EIF3A: variants seen among roughly 807,000 people sequenced by gnomAD.
EIF3A encodes the protein eukaryotic translation initiation factor 3 subunit A.
EIF3A carries 21 observed loss-of-function variants against 186.6 expected under a neutral mutation model. That is an observed-to-expected ratio of 0.11 (90% confidence interval 0.08 to 0.16). EIF3A has a LOEUF of 0.16. Ranked by LOEUF, EIF3A falls within the 10% of genes least tolerant of loss-of-function variation. The pLI is 1.00. For missense variants in EIF3A, 1,306 were observed against 1,796.3 expected, an observed-to-expected ratio of 0.73 and a Z score of 4.93; for synonymous variants, 563 against 584.3, an observed-to-expected ratio of 0.96 and a Z score of 0.52.
rs562643660 is a variant in EIF3A, at chr10:119,063,417, T to G, written c.1122+1982A>C. ...TCTTAAATTGACTACTGCAGAAAAT[T>G]TAGGCCTTTTATCTAGCTTTTATCA... is the stretch of plus-strand genomic sequence containing the variant. On this transcript the variant is annotated intron_variant, in intron 7 of 21. Transcript: ENST00000369144. Among the ~76,000 whole-genome samples the G allele has an allele frequency of 3.9e-5, 6 of 152,296 alleles. No homozygotes were observed. The South Asian group carries it at 1.2e-3, about 32-fold the overall frequency.
At chr10:119,079,329 T>C (rs1179114853) in intron 1 of EIF3A, among the ~76,000 whole-genome samples, 1 of 152,220 alleles carries the variant, frequency 6.6e-6, no homozygotes, top group Non-Finnish European at 1.5e-5. Context: ...AGTGTTACTT[T>C]TACTTTAAAA....
At chr10:119,040,952 G>A (rs1012494271) in intron 19 of EIF3A, among the ~76,000 whole-genome samples, 3 of 150,408 alleles carry the variant, frequency 2.0e-5, no homozygotes, top group African/African-American at 4.9e-5. Flanking sequence ...CTTGCAGTGA[G>A]GGGAGATCGC....
At chr10:119,060,081 T>C (rs780711667) in intron 9 of EIF3A, 4 of 516,102 alleles carry the variant, frequency 7.8e-6, no homozygotes. Context: ...ATTATTTGTA[T>C]AGCACATAAG....
intron 1 of EIF3A, among the ~76,000 whole-genome samples, chr10:119,076,932 T>A (rs1388778566): frequency 3.9e-5 from 3 of 76,546 alleles, no homozygotes; most frequent in African/African-American, 9.9e-5. Context: ...GGAGAGACTC[T>A]GTCTCAAAAA....
At chr10:119,045,027 C>T (rs942970265) in intron 17 of EIF3A, among the ~76,000 whole-genome samples, 1 of 151,132 alleles carries the variant, frequency 6.6e-6, no homozygotes, top group African/African-American at 2.4e-5. Context: ...TAACTGCAGC[C>T]TCTGCCACCC....
Position 119,065,385 on chromosome 10 carries a change from A to C in EIF3A, c.1122+14T>G. On this transcript the variant is annotated intron_variant, in intron 7 of 21. Coordinates refer to ENST00000369144, the MANE Select transcript of EIF3A (RefSeq NM_003750.4). ...TCTGCCCAAAGCTACAAAAATCCTC[A>C]AATTAATACTAACCATATCATTAAT... 6.3e-7 allele frequency: 1 copy of C among 1,583,218 alleles called. No homozygotes were observed. The highest frequency in any genetic ancestry group is 8.6e-7 in the Non-Finnish European group (1 of 1,161,422).
chr10:119,071,201 C>CACAAAGACTAATG, intron 4 of EIF3A, 116 bp from the exon 5 acceptor site: 5 of 744,886 alleles, frequency 6.7e-6, no homozygotes, highest in Non-Finnish European at 1.1e-5. Flanking sequence ...CCAAACTCAT[C>CACAAAGACTAATG]ATTAGTCTTT....
At chr10:119,044,331 T>C (rs1001729555) in intron 17 of EIF3A, among the ~76,000 whole-genome samples, 189 bp from the exon 18 acceptor site, 9 of 152,208 alleles carry the variant, frequency 5.9e-5, no homozygotes, top group Admixed American at 3.9e-4. Context: ...TAGTCTCATA[T>C]ATTGTAGGTG....
intron 7 of EIF3A, among the ~76,000 whole-genome samples, chr10:119,063,552 G>T (rs931214081): frequency 1.3e-5 from 2 of 152,128 alleles, no homozygotes; most frequent in Non-Finnish European, 2.9e-5. Context: ...GACTGTTAAT[G>T]ATTTAAATTC....
chr10:119,054,253 GTAT>G (rs1397381416), intron 14 of EIF3A, among the ~76,000 whole-genome samples: 1 of 152,068 alleles, frequency 6.6e-6, no homozygotes, highest in African/African-American at 2.4e-5. Context: ...TCAGCTATTT[GTAT>G]TATTAACTGT....
At chr10:119,056,675 G>A (rs1209497310) in intron 14 of EIF3A, 65 bp downstream of exon 14, 1 of 1,032,408 alleles carries the variant, frequency 9.7e-7, no homozygotes, top group Non-Finnish European at 1.5e-6. Context: ...CTGAATCCTT[G>A]GTTCCATTAC....
chr10:119,062,985 A>T (rs1843914895), intron 7 of EIF3A, among the ~76,000 whole-genome samples: 1 of 151,356 alleles, frequency 6.6e-6, no homozygotes, highest in Non-Finnish European at 1.5e-5. Flanking sequence ...CAAACTCCTG[A>T]CCTGAAGTGA....
At chr10:119,045,165 G>A (rs547603756) in intron 17 of EIF3A, among the ~76,000 whole-genome samples, 45 of 152,038 alleles carry the variant, frequency 3.0e-4, no homozygotes, top group African/African-American at 1.0e-3. Flanking sequence ...TGCTGGTCTC[G>A]AACTCCTGAC....
intron 14 of EIF3A, among the ~76,000 whole-genome samples, chr10:119,055,530 C>A (rs751105581): frequency 3.3e-5 from 5 of 152,008 alleles, no homozygotes; most frequent in African/African-American, 1.2e-4. Flanking sequence ...TGCAAGGTTA[C>A]CACAAACTTT....
chr10:119,042,024 G>A lies in EIF3A; in HGVS notation c.3496C>T (p.Pro1166Ser), dbSNP rs769860513. The A allele has an allele frequency of 1.4e-5, 23 of 1,614,210 alleles. No homozygotes were observed. The East Asian group carries it at 4.7e-4, about 33-fold the overall frequency. ...TTGACTAATGGTCTCCAAGGACCAG[G>A]TCTTGAGTCATCACCCCGTCTGGGA... ...RFPRRGDDSRPGPWRPLVKPG... is the reference protein window; with the variant it reads ...RFPRRGDDSRSGPWRPLVKPG... Residue 1166 changes from proline to serine, a missense_variant, in exon 19 of 22, where the codon CCT (proline) becomes TCT (serine). Transcript: ENST00000369144. The surrounding 1 kb of genome is among the most constrained non-coding windows in gnomAD (Gnocchi z 7.8).
chr10:119,060,204 G>A, intron 9 of EIF3A: 1 of 491,910 alleles, frequency 2.0e-6, no homozygotes, highest in Non-Finnish European at 3.9e-6. Flanking sequence ...AAAACAAAAT[G>A]GGAGCACTTA....
chr10:119,072,913 A>G lies in EIF3A; in HGVS notation c.518T>C (p.Leu173Pro), dbSNP rs745767039. 1 of 1,613,552 alleles carries G rather than the reference A, an allele frequency of 6.2e-7. No homozygotes were observed. The highest frequency in any genetic ancestry group is 8.5e-7 in the Non-Finnish European group (1 of 1,179,870). Reference protein sequence around the residue: ...LLRNNSRVERLYHDIAQQAFK... With the variant: ...LLRNNSRVERPYHDIAQQAFK... ...ACCTTGCTGGGCAATATCATGGTAC[A>G]GGCGCTCTACTCTAGAATTGTTTCT... Residue 173 changes from leucine (L) to proline (P), a missense_variant, in exon 4 of 22, where the codon CTG (leucine) becomes CCG (proline). This residue lies in a region of EIF3A where 130 missense variants were observed against 259.3 expected (regional missense o/e 0.50). Transcript: ENST00000369144.
At chr10:119,060,103 C>T (rs756586166) in intron 9 of EIF3A, 2 of 512,524 alleles carry the variant, frequency 3.9e-6, no homozygotes, top group Non-Finnish European at 3.9e-6. Context: ...AATAACACTA[C>T]TCACATAAAA....
intron 6 of EIF3A, among the ~76,000 whole-genome samples, chr10:119,067,267 G>A (rs1348594138): frequency 1.3e-5 from 2 of 151,232 alleles, no homozygotes; most frequent in Non-Finnish European, 2.9e-5. Flanking sequence ...ATGCCATAAC[G>A]GACACCATCC....
Sources: allele counts gnomAD v4.1 joint callset (sites outside exome capture counted in the v4.1 genomes callset), GRCh38; gene constraint gnomAD v4.1.1; regional missense constraint gnomAD v4.1.1; non-coding constraint Gnocchi (gnomAD v3.1); transcripts MANE v1.5; gene names NCBI Gene and HGNC (gene_info 2026-07-23, HGNC 2026-07-21).